The following PAPPA variants were observed in gnomAD, a reference collection of about 807,000 sequenced individuals.
PAPPA encodes the protein pappalysin 1, also known as pappalysin-1.
Under a neutral mutation model 164.0 loss-of-function variants are expected in PAPPA, and 60 were observed. That is an observed-to-expected ratio of 0.37 (90% CI 0.30 to 0.45). PAPPA has a LOEUF of 0.45. PAPPA is among the 20% of genes least tolerant of loss of function. The probability of loss-of-function intolerance (pLI) is 1.00; values close to 1 mark genes in which losing one functional copy is unlikely to be tolerated. For synonymous variants in PAPPA, 875 were observed against 814.1 expected, an observed-to-expected ratio of 1.07 and a Z score of -1.27; for missense variants, 1,782 against 2,087.3, an observed-to-expected ratio of 0.85 and a Z score of 2.85.
intron 3 of PAPPA, 87 bp downstream of exon 3, chr9:116,207,688 G>A: frequency 1.0e-6 from 1 of 983,634 alleles, no homozygotes; most frequent in South Asian, 2.4e-5. Context: ...CGATCATGAT[G>A]GTGGTGGTGG....
chr9:116,223,196 G>A (rs1844466482), intron 5 of PAPPA, among the ~76,000 whole-genome samples: 1 of 152,126 alleles, frequency 6.6e-6, no homozygotes, highest in Non-Finnish European at 1.5e-5. Context: ...ACAGAGCTGG[G>A]TTTGGGAAAC....
At chr9:116,270,846 GA>G (rs11324941) in intron 8 of PAPPA, among the ~76,000 whole-genome samples, 32,803 of 147,752 alleles carry the variant, frequency 0.22, 3,852 homozygotes, top group Admixed American at 0.29. Flanking sequence ...ATGCATGAAT[GA>G]AAAAAAAAAA....
chr9:116,362,802 T>C, intron 18 of PAPPA, 63 bp downstream of exon 18: 1 of 1,532,676 alleles, frequency 6.5e-7, no homozygotes, highest in Non-Finnish European at 8.9e-7. Context: ...GCAGGGCTAA[T>C]GCCTGGGTGG....
intron 9 of PAPPA, among the ~76,000 whole-genome samples, chr9:116,279,664 T>C (rs1055300345): frequency 3.3e-5 from 5 of 152,116 alleles, no homozygotes; most frequent in Non-Finnish European, 7.4e-5. Flanking sequence ...CCAAGGCAGG[T>C]GAATCTGGGT....
At chr9:116,316,927 G>C (rs936238899) in intron 10 of PAPPA, among the ~76,000 whole-genome samples, 1 of 152,194 alleles carries the variant, frequency 6.6e-6, no homozygotes, top group South Asian at 2.1e-4. Flanking sequence ...TATAGGAGGG[G>C]ATGGGAGGAC....
Position 116,348,494 on chromosome 9 carries a change from T to A in PAPPA, c.3964+1285T>A, listed in dbSNP as rs188145076. 6.0e-4 allele frequency among the ~76,000 whole-genome samples: 91 copies of A among 151,990 alleles called. No individual in the cohort carries two copies. The East Asian group carries it at 0.013, about 22-fold the overall frequency. On this transcript the variant is annotated intron_variant, in intron 15 of 21. Coordinates refer to ENST00000328252, the MANE Select transcript of PAPPA (RefSeq NM_002581.5). ...TAAGCAAAAAGGACAACAGTTTTTT[T>A]AAAAAAAACTTTTATTTTAAGCTCA...
chr9:116,367,271 G>C (rs1482378691), intron 18 of PAPPA, among the ~76,000 whole-genome samples: 1 of 152,242 alleles, frequency 6.6e-6, no homozygotes. Flanking sequence ...ACCAACCAAA[G>C]AGTGAAGGTG....
intron 19 of PAPPA, among the ~76,000 whole-genome samples, chr9:116,376,545 T>C (rs1030646548): frequency 2.6e-5 from 4 of 152,196 alleles, no homozygotes; most frequent in African/African-American, 4.8e-5. Flanking sequence ...ACAAGATTAA[T>C]GCCCACCTCA....
intron 2 of PAPPA, among the ~76,000 whole-genome samples, chr9:116,189,891 C>G (rs1340810246): frequency 6.6e-6 from 1 of 152,156 alleles, no homozygotes; most frequent in Non-Finnish European, 1.5e-5. Context: ...AGGAGAATGC[C>G]CTGCCTGGCA....
intron 2 of PAPPA, among the ~76,000 whole-genome samples, chr9:116,191,208 C>A (rs1844038611): frequency 6.6e-6 from 1 of 152,120 alleles, no homozygotes; most frequent in South Asian, 2.1e-4. Flanking sequence ...CAGGAGGCAG[C>A]TTTGAGCTGA....
At chr9:116,266,017 G>GCCC in intron 8 of PAPPA, 32 bp downstream of exon 8, 2 of 1,577,264 alleles carry the variant, frequency 1.3e-6, no homozygotes, top group Non-Finnish European at 1.7e-6. Context: ...AAGAAGAGGA[G>GCCC]GGATGCTGGT....
intron 7 of PAPPA, among the ~76,000 whole-genome samples, chr9:116,239,476 A>G (rs547838363): frequency 2.4e-4 from 37 of 152,278 alleles, no homozygotes; most frequent in Admixed American, 4.6e-4. Flanking sequence ...GGTGATTCAC[A>G]TACTTTTTTG....
intron 2 of PAPPA, among the ~76,000 whole-genome samples, chr9:116,203,571 T>C (rs546642328): frequency 6.6e-6 from 1 of 152,276 alleles, no homozygotes; most frequent in East Asian, 1.9e-4. Flanking sequence ...GAGGTGATGA[T>C]GATGATTTGA....
chr9:116,248,953 G>A (rs1844828581), intron 7 of PAPPA, among the ~76,000 whole-genome samples: 2 of 152,178 alleles, frequency 1.3e-5, no homozygotes, highest in African/African-American at 4.8e-5. Context: ...GAATCTTACA[G>A]CATGGTCACT....
At chr9:116,291,177 G>A (rs1453212446) in intron 9 of PAPPA, among the ~76,000 whole-genome samples, 1 of 152,098 alleles carries the variant, frequency 6.6e-6, no homozygotes, top group Admixed American at 6.6e-5. Flanking sequence ...TGATGTAAAT[G>A]CATCTTCAAG....
chr9:116,309,712 A>G (rs551748602), intron 10 of PAPPA, among the ~76,000 whole-genome samples: 1 of 152,214 alleles, frequency 6.6e-6, no homozygotes, highest in East Asian at 1.9e-4. Flanking sequence ...TAATAGATGA[A>G]GGGGAAGTCA....
chr9:116,175,824 T>G (rs189692555), intron 1 of PAPPA, among the ~76,000 whole-genome samples: 30 of 151,864 alleles, frequency 2.0e-4, no homozygotes, highest in Non-Finnish European at 3.7e-4. Context: ...CAGAAATGAG[T>G]CATACTGTCA....
At position 116,240,103 on chromosome 9, in the gene PAPPA, A is replaced by T. The variant is rs1587967478; in HGVS notation, c.2732+4466A>T. 2.0e-5 allele frequency among the ~76,000 whole-genome samples: 3 copies of T among 152,358 alleles called. No individual in the cohort carries two copies. The South Asian group carries it at 6.2e-4, about 32-fold the overall frequency. On this transcript the variant is annotated intron_variant, in intron 7 of 21. Coordinates refer to ENST00000328252, the MANE Select transcript of PAPPA (RefSeq NM_002581.5). ...ACTCTGGACAAAACTGAGAAAGCAA[A>T]GTATAAAGCAAACCAGGAACAGTGA...
In PAPPA at chr9:116,265,979, T is replaced by C. The variant is rs1845063821; in HGVS notation, c.2855T>C (p.Ile952Thr). The change falls in exon 8 of 22, where the codon ATA becomes ACA. Residue 952 changes from isoleucine to threonine, a missense_variant. By Grantham distance (89) the Ile-to-Thr change is moderately conservative. Around this residue, in one of 2 missense-constraint regions of PAPPA, gnomAD observed 1,324 missense variants for 1,656.9 expected, o/e 0.80. Transcript: ENST00000328252. ...HGSGYCGDGI[I>T]QKDQGEQCDD... ...AGTGGGTACTGTGGCGATGGCATTA[T>C]ACAAAAGTAAGTAGATCTAATTAAA... The C allele has an allele frequency of 3.1e-6, 5 of 1,604,622 alleles. No individual in the cohort carries two copies. Among genetic ancestry groups the C allele is most frequent in the Non-Finnish European group, 1.7e-6 (2 of 1,172,784 alleles).
Sources: allele counts gnomAD v4.1 joint callset (sites outside exome capture counted in the v4.1 genomes callset), GRCh38; gene constraint gnomAD v4.1.1; regional missense constraint gnomAD v4.1.1; transcripts MANE v1.5; gene names NCBI Gene and HGNC (gene_info 2026-07-23, HGNC 2026-07-21).